Variants in GRK7 observed in about 807,000 individuals in gnomAD.
GRK7 encodes the protein rhodopsin kinase GRK7.
A neutral mutation model predicts 34.1 loss-of-function variants in GRK7; 24 were observed. That is an observed-to-expected ratio of 0.70 (90% CI 0.51 to 0.99). GRK7 has a LOEUF of 0.99. Ranked by LOEUF, GRK7 falls within the 50% of genes least tolerant of loss-of-function variation. The probability of loss-of-function intolerance (pLI) is 0.00; values close to 1 mark genes in which losing one functional copy is unlikely to be tolerated. For missense variants in GRK7, 644 were observed against 707.3 expected (o/e 0.91, Z 1.02); for synonymous variants, 256 against 279.4 (o/e 0.92, Z 0.84).
At chr3:141,798,776 C>A (rs1011923320) in intron 4 of GRK7, among the ~76,000 whole-genome samples, 6 of 152,212 alleles carry the variant, frequency 3.9e-5, no homozygotes, top group African/African-American at 1.4e-4. Context: ...AATGTGGGTG[C>A]TTAAAGTCTG....
At chr3:141,775,801 T>A (rs922350623) in intron 2 of GRK7, among the ~76,000 whole-genome samples, 4 of 151,862 alleles carry the variant, frequency 2.6e-5, no homozygotes, top group African/African-American at 4.8e-5. Flanking sequence ...GTTTTTTTTT[T>A]ATCATATTAA....
At position 141,784,838 on chromosome 3, in the gene GRK7, G is replaced by A. The variant is rs183013789; in HGVS notation, c.1050+4027G>A. ...TTTAAGAGGTGAGTGGACCATGAGG[G>A]CTCTGCCGCTGTGAATAGATGAATG... On this transcript the variant is annotated intron_variant, in intron 4 of 5. Transcript: ENST00000682958. 3.3e-5 allele frequency among the ~76,000 whole-genome samples: 5 copies of A among 152,296 alleles called. No homozygotes were observed. The East Asian group carries it at 9.6e-4, about 29-fold the overall frequency.
the GRK7 span, among the ~76,000 whole-genome samples, chr3:141,750,278 G>C: frequency 6.6e-6 from 1 of 152,168 alleles, no homozygotes; most frequent in Non-Finnish European, 1.5e-5. Flanking sequence ...TGATAAATCT[G>C]ATTCAGTGGT....
chr3:141,777,491 A>ATTTTTTTTTTTTTTTTTTTTTTTT (rs530806848), intron 2 of GRK7, among the ~76,000 whole-genome samples: 17 of 80,550 alleles, frequency 2.1e-4, no homozygotes, highest in African/African-American at 3.0e-4. Flanking sequence ...AGCCCGGCTA[A>ATTTTTTTTTTTTTTTTTTTTTTTT]TTTTTTTTTT....
In GRK7 at chr3:141,778,420, G is replaced by A. The variant is rs148101386; in HGVS notation, c.136G>A (p.Ala46Thr). ...SLALPGLQGC[A>T]ELRQKLSLNF... Reference sequence around the variant, plus strand: ...GGCCCTGCCCGGGCTGCAGGGCTGCGCGGAGCTCCGCCAGAAGCTGTCCCT... The same window carrying A: ...GGCCCTGCCCGGGCTGCAGGGCTGCACGGAGCTCCGCCAGAAGCTGTCCCT... The change falls in exon 3 of 6, where the codon GCG becomes ACG. Residue 46 changes from alanine to threonine, a missense_variant. Ala to Thr is a moderately conservative substitution (Grantham distance 58). Transcript: ENST00000682958. This position sits in a 1 kb window ranked among gnomAD's most constrained non-coding sequence, Gnocchi z 4.1. 15 of 1,612,666 alleles carry A rather than the reference G, an allele frequency of 9.3e-6. No homozygotes were observed. In the African/African-American group the frequency reaches 1.9e-4, roughly 20 times the overall value.
intron 1 of GRK7, among the ~76,000 whole-genome samples, chr3:141,771,032 G>A (rs1024978344): frequency 6.7e-6 from 1 of 149,224 alleles, no homozygotes; most frequent in Admixed American, 6.7e-5. Flanking sequence ...AACCAGTATG[G>A]AGAACTGCCA....
chr3:141,790,493 A>G (rs2084719069), intron 4 of GRK7, among the ~76,000 whole-genome samples: 1 of 152,128 alleles, frequency 6.6e-6, no homozygotes, highest in African/African-American at 2.4e-5. Flanking sequence ...ACGGCCATTA[A>G]TATTTCAGAG....
intron 1 of GRK7, among the ~76,000 whole-genome samples, 195 bp from the exon 2 acceptor site, chr3:141,774,385 G>A (rs2084629697): frequency 6.6e-6 from 1 of 151,868 alleles, no homozygotes; most frequent in Non-Finnish European, 1.5e-5. Flanking sequence ...TTGAGCCACT[G>A]CACATTAGCC....
At chr3:141,787,007 C>A (rs1255065871) in intron 4 of GRK7, among the ~76,000 whole-genome samples, 1 of 152,136 alleles carries the variant, frequency 6.6e-6, no homozygotes, top group Non-Finnish European at 1.5e-5. Context: ...CTCTCCCTGA[C>A]AGCCAGCAAG....
intron 4 of GRK7, among the ~76,000 whole-genome samples, chr3:141,802,574 T>C (rs1001274311): frequency 2.6e-4 from 39 of 152,320 alleles, no homozygotes; most frequent in African/African-American, 8.9e-4. Context: ...CATACCTTCC[T>C]ACATTCCCTC....
At chr3:141,751,190 A>G in the GRK7 span, among the ~76,000 whole-genome samples, 1 of 152,200 alleles carries the variant, frequency 6.6e-6, no homozygotes, top group Non-Finnish European at 1.5e-5. Flanking sequence ...ATGTAAATTT[A>G]TTGGGACTTA....
rs146542522 is a variant in GRK7, at chr3:141,804,332, TAC to T, written c.1051-3311_1051-3310del. On this transcript the variant is annotated intron_variant, in intron 4 of 5. Transcript: ENST00000682958. ...GGGAATAGATTCTGCTACCTTAGCA[TAC>T]AGTTTCTCAATCCCATCTCCCCTCC... Among the ~76,000 whole-genome samples, 477 of 152,172 alleles carry T rather than the reference TAC, an allele frequency of 3.1e-3. 1 individual carries two copies. The highest frequency in any genetic ancestry group is 0.011 in the African/African-American group (461 of 41,514).
At chr3:141,793,763 C>T (rs1203267713) in intron 4 of GRK7, among the ~76,000 whole-genome samples, 1 of 152,210 alleles carries the variant, frequency 6.6e-6, no homozygotes, top group Non-Finnish European at 1.5e-5. Context: ...GCAGTGGCCC[C>T]AGCCAGGCAT....
chr3:141,769,210 T>C (rs1269695201), intron 1 of GRK7, among the ~76,000 whole-genome samples: 1 of 152,182 alleles, frequency 6.6e-6, no homozygotes, highest in Non-Finnish European at 1.5e-5. Flanking sequence ...TTCCCTGTCT[T>C]GGTGAATGAC....
rs374890644 is a variant in GRK7 at position 141,807,599 on chromosome 3, G to C, written c.1051-46G>C. On this transcript the variant is annotated intron_variant, in intron 4 of 5. Transcript: ENST00000682958. ...AGCAGTGTCTGCTACACTCACCTTA[G>C]TGTCTTTGTTCTGTGTTGTCTTGTT... 1.0e-5 allele frequency: 16 copies of C among 1,550,326 alleles called. No homozygotes were observed. In the African/African-American group the frequency reaches 1.9e-4, roughly 18 times the overall value.
chr3:141,784,014 A>T (rs1389102170), intron 4 of GRK7, among the ~76,000 whole-genome samples: 1 of 152,130 alleles, frequency 6.6e-6, no homozygotes, highest in African/African-American at 2.4e-5. Flanking sequence ...GCTGAGCAGG[A>T]GCGTTCCTTC....
chr3:141,771,932 G>A (rs190621112), intron 1 of GRK7, among the ~76,000 whole-genome samples: 7 of 151,570 alleles, frequency 4.6e-5, no homozygotes, highest in South Asian at 2.1e-4. Flanking sequence ...TGATCCACCC[G>A]TCTCAGCCTC....
At chr3:141,781,324 G>A (rs919255922) in intron 4 of GRK7, among the ~76,000 whole-genome samples, 4 of 152,094 alleles carry the variant, frequency 2.6e-5, no homozygotes, top group African/African-American at 9.7e-5. Context: ...ATCTGCTGAG[G>A]TCAGGAGTTT....
chr3:141,780,453 G>A lies in GRK7; in HGVS notation c.692G>A (p.Gly231Asp), dbSNP rs1301317691. Reference sequence around the variant, plus strand: ...GACAAGAAGCGGCTGAAGAAGAAAGGTGGCGAGAAGATGGCTCTCTTGGAA... The same window carrying A: ...GACAAGAAGCGGCTGAAGAAGAAAGATGGCGAGAAGATGGCTCTCTTGGAA... ...KLDKKRLKKKGGEKMALLEKE... is the reference protein window; with the variant it reads ...KLDKKRLKKKDGEKMALLEKE... The change falls in exon 4 of 6, where the codon GGT becomes GAT. Residue 231 changes from glycine to aspartate, a missense_variant. By Grantham distance (94) the Gly-to-Asp change is moderately conservative (BLOSUM62 -1). Transcript: ENST00000682958. 4 of 1,614,114 alleles carry A rather than the reference G, an allele frequency of 2.5e-6. No individual in the cohort carries two copies. The highest frequency in any genetic ancestry group is 2.7e-5 in the African/African-American group (2 of 74,944).
Sources: gnomAD v4.1 joint callset for allele counts (sites outside exome capture counted in the v4.1 genomes callset) on GRCh38, gnomAD v4.1.1 for gene constraint, Gnocchi (gnomAD v3.1) non-coding constraint, MANE v1.5 for transcripts, NCBI Gene and HGNC (gene_info 2026-07-23, HGNC 2026-07-21) for gene names.